ITPR1: variants seen among roughly 807,000 people sequenced by gnomAD.
ITPR1 encodes inositol 1,4,5-trisphosphate-gated calcium channel ITPR1.
ITPR1 carries 96 observed loss-of-function variants against 318.4 expected under a neutral mutation model. That is an observed-to-expected ratio of 0.30 (90% CI 0.26 to 0.36). ITPR1 has a LOEUF of 0.36. ITPR1 is among the 10% of genes least tolerant of loss of function. The pLI, the probability that ITPR1 is intolerant of heterozygous loss-of-function variation, is 1.00. For synonymous variants in ITPR1, 1,312 were observed against 1,289.9 expected, an observed-to-expected ratio of 1.02 and a Z score of -0.37; for missense variants, 2,440 against 3,460.2, an observed-to-expected ratio of 0.71 and a Z score of 7.40.
chr3:4,585,076 C>T (rs1575610835), intron 4 of ITPR1, among the ~76,000 whole-genome samples: 2 of 152,124 alleles, frequency 1.3e-5, no homozygotes, highest in African/African-American at 2.4e-5. Flanking sequence ...TAACTGTGTG[C>T]GGCTGTTCCC....
intron 4 of ITPR1, among the ~76,000 whole-genome samples, chr3:4,604,782 C>G (rs1024305656): frequency 1.1e-4 from 16 of 152,040 alleles, no homozygotes; most frequent in Admixed American, 6.6e-5. Context: ...AGAGGGAATG[C>G]AGAGAGAGGC....
Position 4,494,438 on chromosome 3 carries a change from C to CTGTT in ITPR1, c.-84_-83insGTTT, listed in dbSNP as rs2080393616. 6.6e-6 allele frequency: 1 copy of CTGTT among 152,286 alleles called. No homozygotes were observed. Among genetic ancestry groups the CTGTT allele is most frequent in the Non-Finnish European group, 1.5e-5 (1 of 68,082 alleles). 9.4% of individuals were successfully genotyped at this position (152,286 alleles called of 1,614,324 possible). ...TTCTTTCTAAATATTTAGGAGCTGACTACAGAGGAGCAGGATTTGCACCCC... is the reference window on the plus strand; with the variant it reads ...TTCTTTCTAAATATTTAGGAGCTGACTGTTTACAGAGGAGCAGGATTTGCACCCC... On this transcript the variant is annotated 5_prime_UTR_variant, in exon 2 of 62. Transcript: ENST00000649015.
intron 48 of ITPR1, among the ~76,000 whole-genome samples, chr3:4,777,643 A>G (rs1166972653): frequency 2.6e-5 from 4 of 152,214 alleles, no homozygotes; most frequent in Admixed American, 2.6e-4. Flanking sequence ...GTGAATCCCA[A>G]CAGCATCGAG....
chr3:4,592,087 A>G (rs1298341110), intron 4 of ITPR1, among the ~76,000 whole-genome samples: 3 of 152,326 alleles, frequency 2.0e-5, no homozygotes, highest in African/African-American at 4.8e-5. Flanking sequence ...TCAGTTTAAA[A>G]GAGAACACAC....
chr3:4,800,621 T>C, intron 54 of ITPR1, 21 bp downstream of exon 54: 1 of 1,610,800 alleles, frequency 6.2e-7, no homozygotes, highest in Non-Finnish European at 8.5e-7. Context: ...ATACCTTCCT[T>C]GCCACTGTTT....
rs181484548 is a variant in ITPR1, at chr3:4,826,958, A to G, written c.8028+8716A>G. On this transcript the variant is annotated intron_variant, in intron 60 of 61. Transcript: ENST00000649015. The surrounding 1 kb of genome is among the most constrained non-coding windows in gnomAD (Gnocchi z 4.2). ...TCTAGTCTGTGAGACTGTGCAGGAC[A>G]TGAGGGTTATGCACAGACATTGTTC... 3.0e-4 allele frequency among the ~76,000 whole-genome samples: 45 copies of G among 152,308 alleles called. No homozygotes were observed. Among genetic ancestry groups the G allele is most frequent in the Non-Finnish European group, 5.0e-4 (34 of 68,024 alleles).
chr3:4,800,430 C>G lies in ITPR1; in HGVS notation c.6937C>G (p.Leu2313Val). 3.1e-6 allele frequency: 5 copies of G among 1,613,598 alleles called. No individual in the cohort carries two copies. Among genetic ancestry groups the G allele is most frequent in the Non-Finnish European group, 4.2e-6 (5 of 1,179,752 alleles). Residue 2313 changes from leucine to valine, a missense_variant, in exon 54 of 62, where the codon CTG (leucine) becomes GTG (valine). Leu to Val is a conservative substitution (Grantham distance 32). Transcript: ENST00000649015. The stretch of plus-strand genomic sequence containing the variant: ...ACCCTGTTTTGTCCTTGCAGGAACC[C>G]TGGAGCCCCACTGGTCGGGACTCCT... ...YPFKGVRGGTLEPHWSGLLWT... is the reference protein window; with the variant it reads ...YPFKGVRGGTVEPHWSGLLWT...
rs1257568768 is a variant in ITPR1, at chr3:4,615,991, G to T, written c.164-11772G>T. On this transcript the variant is annotated intron_variant, in intron 4 of 61. Coordinates refer to ENST00000649015, the MANE Select transcript of ITPR1 (RefSeq NM_001378452.1). Reference sequence around the variant, plus strand: ...AATAACACGGTCTATGTTTTTTGCAGATGGGTAATGGGAGGGTTTTTGGCA... The same window carrying T: ...AATAACACGGTCTATGTTTTTTGCATATGGGTAATGGGAGGGTTTTTGGCA... Among the ~76,000 whole-genome samples the T allele has an allele frequency of 2.0e-5, 3 of 152,198 alleles. 1 individual carries two copies. The highest frequency in any genetic ancestry group is 2.1e-4 in the South Asian group (1 of 4,834).
At chr3:4,728,861 T>A (rs1026071074) in intron 42 of ITPR1, among the ~76,000 whole-genome samples, 2 of 152,340 alleles carry the variant, frequency 1.3e-5, no homozygotes, top group Admixed American at 1.3e-4. Flanking sequence ...CTTGCTCTGA[T>A]AGAGACATCA....
intron 4 of ITPR1, among the ~76,000 whole-genome samples, chr3:4,558,198 G>C (rs2086322776): frequency 6.6e-6 from 1 of 152,110 alleles, no homozygotes; most frequent in Admixed American, 6.6e-5. Flanking sequence ...TGGACATACA[G>C]CTACCCAATA....
chr3:4,830,859 C>A (rs745813117), intron 60 of ITPR1: 6 of 451,020 alleles, frequency 1.3e-5, no homozygotes, highest in African/African-American at 4.0e-5. Context: ...TCAAGCCCCC[C>A]TCACCCTCAA....
In ITPR1 at chr3:4,781,435, A is replaced by G. The variant is rs181988851; in HGVS notation, c.6388-1184A>G. On this transcript the variant is annotated intron_variant, in intron 49 of 61. Coordinates refer to ENST00000649015, the MANE Select transcript of ITPR1 (RefSeq NM_001378452.1). ...GGGCATTGCGGAGGGTCTTAGGGGA[A>G]GGATTCAGATATGAGCAGACCCAGT... 3.0e-4 allele frequency among the ~76,000 whole-genome samples: 45 copies of G among 152,170 alleles called. 1 individual carries two copies. Among genetic ancestry groups the G allele is most frequent in the African/African-American group, 9.2e-4 (38 of 41,442 alleles).
chr3:4,645,457 A>C lies in ITPR1; in HGVS notation c.695A>C (p.Asp232Ala). 6.2e-7 allele frequency: 1 copy of C among 1,613,012 alleles called. No homozygotes were observed. The highest frequency in any genetic ancestry group is 8.5e-7 in the Non-Finnish European group (1 of 1,179,048). ...LFMKWSDNKD[D>A]ILKGGDVVRL... Reference sequence around the variant, plus strand: ...ATGAAATGGAGTGATAACAAAGACGACATATTAAAGGGGGTGAGTTTGATG... The same window carrying C: ...ATGAAATGGAGTGATAACAAAGACGCCATATTAAAGGGGGTGAGTTTGATG... The change falls in exon 9 of 62, where the codon GAC becomes GCC. Residue 232 changes from aspartate (D) to alanine (A), a missense_variant. Physicochemically the swap from Asp to Ala is moderately radical, Grantham distance 126. Transcript: ENST00000649015.
At chr3:4,794,332 TC>T (rs1226256310) in intron 52 of ITPR1, among the ~76,000 whole-genome samples, 1 of 152,168 alleles carries the variant, frequency 6.6e-6, no homozygotes, top group Non-Finnish European at 1.5e-5. Flanking sequence ...AGCGTCTCTG[TC>T]TCTTGCCCCT....
intron 4 of ITPR1, among the ~76,000 whole-genome samples, chr3:4,565,822 G>A: frequency 6.6e-6 from 1 of 152,236 alleles, no homozygotes; most frequent in East Asian, 1.9e-4. Flanking sequence ...GAAATTTGGA[G>A]ATGAATGTCC....
intron 4 of ITPR1, among the ~76,000 whole-genome samples, chr3:4,549,017 G>T (rs939891092): frequency 6.6e-6 from 1 of 152,072 alleles, no homozygotes; most frequent in Admixed American, 6.6e-5. Context: ...TTTCTTCTTG[G>T]TCACAGAGTG....
At chr3:4,756,825 C>T (rs552163381) in intron 44 of ITPR1, among the ~76,000 whole-genome samples, 2 of 152,360 alleles carry the variant, frequency 1.3e-5, no homozygotes, top group Non-Finnish European at 2.9e-5. Flanking sequence ...AGTCTTTGGC[C>T]ATTTATGTAA....
chr3:4,549,533 C>T (rs996552391), intron 4 of ITPR1, among the ~76,000 whole-genome samples: 1 of 144,244 alleles, frequency 6.9e-6, no homozygotes, highest in African/African-American at 2.5e-5. Context: ...TTCCTCCCTT[C>T]CTCCTTTCCC....
intron 44 of ITPR1, among the ~76,000 whole-genome samples, chr3:4,764,270 T>A (rs1344933999): frequency 6.6e-6 from 1 of 152,250 alleles, no homozygotes; most frequent in Non-Finnish European, 1.5e-5. Flanking sequence ...TTTTCTAGAA[T>A]TCATTTATTT....
Sources: gnomAD v4.1 joint callset for allele counts (sites outside exome capture counted in the v4.1 genomes callset) on GRCh38, gnomAD v4.1.1 for gene constraint, Gnocchi (gnomAD v3.1) non-coding constraint, MANE v1.5 for transcripts, NCBI Gene and HGNC (gene_info 2026-07-23, HGNC 2026-07-21) for gene names.